The following PDZD4 variants were observed in gnomAD, a reference collection of about 807,000 sequenced individuals.
PDZD4 encodes PDZ domain containing 4.
A neutral mutation model predicts 38.5 loss-of-function variants in PDZD4; 9 were observed. The observed-to-expected ratio is 0.23, with a 90% CI of 0.14 to 0.41. The LOEUF is 0.41. PDZD4 is among the 10% of genes least tolerant of loss of function. PDZD4 has a pLI of 1.00. For synonymous variants in PDZD4, 349 were observed against 315.7 expected (o/e 1.11, Z -1.12); for missense variants, 612 against 722.0 (o/e 0.85, Z 1.75).
chrX:153,808,380 C>A lies in PDZD4; in HGVS notation c.276G>T (p.Pro92=). ...MALGKLRPPT[P]PMVILEPYVL... ...CGTACGGCTCCAGGATGACCATGGG[C>A]GGGGTGGGCGGACGCAGCTTGCCCA... The change falls in exon 2 of 8, where the codon CCG becomes CCT. Residue 92 remains proline (P), a synonymous_variant. Coordinates refer to ENST00000393758, the MANE Select transcript of PDZD4 (RefSeq NM_001303512.2). The A allele has an allele frequency of 8.3e-7, 1 of 1,210,164 alleles. No homozygotes were observed.
rs781824314 is a variant in PDZD4, at chrX:153,803,502, T to C, written c.2179A>G (p.Ile727Val). The C allele has an allele frequency of 1.7e-6, 2 of 1,185,471 alleles. No homozygotes were observed. ...ATGGTTTTGCGGTGGCTCAGGGCAA[T>C]GATGTTGAGCTCGGGCTTGCTGTCG... Reference protein sequence around the residue: ...NGDSKPELNIIALSHRKTMKK... With the variant: ...NGDSKPELNIVALSHRKTMKK... The change falls in exon 8 of 8, where the codon ATT (isoleucine) becomes GTT (valine). Residue 727 changes from isoleucine (I) to valine (V), a missense_variant. Coordinates refer to ENST00000393758, the MANE Select transcript of PDZD4 (RefSeq NM_001303512.2).
intron 1 of PDZD4, among the ~76,000 whole-genome samples, chrX:153,815,568 A>G (rs2064352680): frequency 8.9e-6 from 1 of 112,833 alleles, no homozygotes; most frequent in Non-Finnish European, 1.9e-5. Flanking sequence ...TAAAACAGTA[A>G]TAATAATAAT....
chrX:153,822,082 C>T (rs186785562), intron 1 of PDZD4, among the ~76,000 whole-genome samples: 2,198 of 106,368 alleles, frequency 0.021, 59 homozygotes, highest in African/African-American at 0.071. Flanking sequence ...CCCAGCTACT[C>T]GGGAGGCTGA....
chrX:153,809,152 A>G (rs2064284068), intron 1 of PDZD4, among the ~76,000 whole-genome samples: 1 of 112,657 alleles, frequency 8.9e-6, no homozygotes, highest in African/African-American at 3.2e-5. Flanking sequence ...GTTGGGGGAC[A>G]AGTAGGAAGA....
chrX:153,804,943 CAGGGATGTCA>C (rs2092206187), intron 7 of PDZD4, 43 bp from the exon 8 acceptor site: 1 of 1,165,082 alleles, frequency 8.6e-7, no homozygotes, highest in Non-Finnish European at 1.2e-6. Context: ...GTCCCACGGA[CAGGGATGTCA>C]CGGGATGTCA....
In PDZD4 at chrX:153,805,135, G is replaced by A. The variant is rs372289663; in HGVS notation, c.742C>T (p.Leu248=). The change falls in exon 7 of 8, where the codon CTG becomes TTG. Residue 248 remains leucine, a synonymous_variant. Transcript: ENST00000393758. ...DDFGSENEGE[L]RARKLKSPPA... is the part of the protein sequence containing the mutation. Reference sequence around the variant, plus strand: ...GGTGATTTCAGTTTACGAGCACGCAGCTCCCCCTCATTCTCAGAGCCAAAG... The same window carrying A: ...GGTGATTTCAGTTTACGAGCACGCAACTCCCCCTCATTCTCAGAGCCAAAG... 117 of 1,209,550 alleles carry A rather than the reference G, an allele frequency of 9.7e-5. No individual in the cohort carries two copies. Among genetic ancestry groups the A allele is most frequent in the Non-Finnish European group, 1.3e-4 (114 of 894,978 alleles).
Position 153,808,494 on chromosome X carries a change from G to A in PDZD4, c.162C>T (p.Pro54=). 3 of 1,210,790 alleles carry A rather than the reference G, an allele frequency of 2.5e-6. No individual in the cohort carries two copies. The highest frequency in any genetic ancestry group is 3.4e-6 in the Non-Finnish European group (3 of 895,160). The change falls in exon 2 of 8, where the codon CCC becomes CCT. Residue 54 remains proline (P), a synonymous_variant. Transcript: ENST00000393758. ...GACAGGAGCTGTCCCCCCGGAGGCG[G>A]GGGCTGCGTCTCAGCACCTGGATCA... The part of the protein sequence containing the change: ...PLVIQVLRRS[P]RLRGDSSCHD...
At position 153,803,251 on chromosome X, in the gene PDZD4, ACG is replaced by A. The variant is rs199802294; in HGVS notation, c.*100_*101del. Reference sequence around the variant, plus strand: ...AGATGTGTGCGTGCGCACAGCGAGCACGCGCGCGCGCACACACACACACACAC... The same window carrying A: ...AGATGTGTGCGTGCGCACAGCGAGCACGCGCGCGCACACACACACACACAC... On this transcript the variant is annotated 3_prime_UTR_variant, in exon 8 of 8. Coordinates refer to ENST00000393758, the MANE Select transcript of PDZD4 (RefSeq NM_001303512.2). 300 of 576,664 alleles carry A rather than the reference ACG, an allele frequency of 5.2e-4. No homozygotes were observed. The highest frequency in any genetic ancestry group is 7.2e-4 in the South Asian group (11 of 15,200). The allele number at this position is 576,664 out of a possible 1,213,427, so 47.5% of individuals were successfully genotyped here.
intron 1 of PDZD4, among the ~76,000 whole-genome samples, chrX:153,815,237 T>G (rs894796637): frequency 8.8e-6 from 1 of 113,116 alleles, no homozygotes; most frequent in Non-Finnish European, 1.9e-5. Flanking sequence ...ATTTCCACCA[T>G]GGTCCCTGCT....
Position 153,804,265 on chromosome X carries a change from G to A in PDZD4, c.1416C>T (p.Asp472=). 1 of 1,208,834 alleles carries A rather than the reference G, an allele frequency of 8.3e-7. No individual in the cohort carries two copies. The highest frequency in any genetic ancestry group is 3.0e-5 in the East Asian group (1 of 33,810). ...ISELPEKSDK[D]STSAYNTGES... ...CCCCAGTGTTGTAGGCGCTGGTGCT[G>A]TCCTTGTCCGACTTCTCGGGCAGCT... is the stretch of plus-strand genomic sequence containing the variant. The change falls in exon 8 of 8, where the codon GAC becomes GAT. Residue 472 remains aspartate, a synonymous_variant. Transcript: ENST00000393758.
intron 1 of PDZD4, among the ~76,000 whole-genome samples, chrX:153,811,605 G>T (rs781919491): frequency 1.8e-5 from 2 of 112,514 alleles, no homozygotes; most frequent in South Asian, 7.3e-4. Flanking sequence ...ACACATTCTG[G>T]GGTCCATTTT....
chrX:153,805,398 C>CCCAAAAAA, intron 6 of PDZD4, 107 bp downstream of exon 6: 1 of 553,491 alleles, frequency 1.8e-6, no homozygotes, highest in Non-Finnish European at 3.0e-6. Context: ...ACCCGCCCTC[C>CCCAAAAAA]ATCAACTCCA....
chrX:153,828,247 A>G (rs1391486506), intron 1 of PDZD4, among the ~76,000 whole-genome samples: 1 of 112,483 alleles, frequency 8.9e-6, no homozygotes, highest in Non-Finnish European at 1.9e-5. Context: ...GTCCCCTGGG[A>G]CAGCTCATGG....
In PDZD4 at chrX:153,816,314, A is replaced by G. The variant is rs782616145; in HGVS notation, c.61-7719T>C. On this transcript the variant is annotated intron_variant, in intron 1 of 7. Transcript: ENST00000393758. ...GTGGTGGGCATGGGAAGACCTTTCC[A>G]ACAATCAGGTGTGTTGGGGGGTGAG... Among the ~76,000 whole-genome samples the G allele has an allele frequency of 1.2e-4, 13 of 109,031 alleles. No individual in the cohort carries two copies. In the East Asian group the frequency reaches 1.8e-3, roughly 15 times the overall value. The allele number at this position is 109,031 out of a possible 115,157, so 94.7% of individuals were successfully genotyped here. A position where few individuals can be genotyped will look rare whatever the true frequency, so the allele number is the denominator to read the frequency against.
intron 1 of PDZD4, among the ~76,000 whole-genome samples, chrX:153,828,155 A>G (rs781795485): frequency 8.9e-6 from 1 of 111,911 alleles, no homozygotes; most frequent in Non-Finnish European, 1.9e-5. Flanking sequence ...GGGTCCCAGA[A>G]GCTGACCTGT....
At chrX:153,830,149 G>A in intron 1 of PDZD4, 90 bp downstream of exon 1, 1 of 884,449 alleles carries the variant, frequency 1.1e-6, no homozygotes, top group Non-Finnish European at 1.5e-6. Context: ...GAGCCCTCCC[G>A]CTCTCCCACG....
chrX:153,828,155 A>T lies in PDZD4; in HGVS notation c.60+2084T>A, dbSNP rs781795485. ...CGGGAGGCAGGCACGGGGTCCCAGAAGCTGACCTGTCTTTTGGAACAAAAG... is the reference window on the plus strand; with the variant it reads ...CGGGAGGCAGGCACGGGGTCCCAGATGCTGACCTGTCTTTTGGAACAAAAG... On this transcript the variant is annotated intron_variant, in intron 1 of 7. Transcript: ENST00000393758. Among the ~76,000 whole-genome samples the T allele has an allele frequency of 2.2e-4, 25 of 111,964 alleles. 1 individual carries two copies. In the South Asian group the frequency reaches 8.5e-3, roughly 38 times the overall value.
intron 1 of PDZD4, among the ~76,000 whole-genome samples, chrX:153,810,169 G>A (rs1490327418): frequency 8.9e-6 from 1 of 112,865 alleles, no homozygotes; most frequent in Non-Finnish European, 1.9e-5. Flanking sequence ...CGAGGCAGGC[G>A]TGCAGGGTCT....
At chrX:153,805,074 C>A (rs782689415) in intron 7 of PDZD4, 23 bp downstream of exon 7, 1 of 1,197,272 alleles carries the variant, frequency 8.4e-7, no homozygotes, top group Admixed American at 2.2e-5. Context: ...GCCCTCCCCA[C>A]CAGCGCCCTT....
Sources: allele counts gnomAD v4.1 joint callset (sites outside exome capture counted in the v4.1 genomes callset), GRCh38; gene constraint gnomAD v4.1.1; transcripts MANE v1.5; gene names NCBI Gene and HGNC (gene_info 2026-07-23, HGNC 2026-07-21).